Variants in CCDC91 observed in about 807,000 individuals in gnomAD.
CCDC91 encodes the protein coiled-coil domain containing 91, also known as coiled-coil domain-containing protein 91.
A neutral mutation model predicts 63.2 loss-of-function variants in CCDC91; 48 were observed. The observed-to-expected ratio is 0.76, with a 90% CI of 0.60 to 0.97. The LOEUF is 0.97. Ranked by LOEUF, CCDC91 falls within the 50% of genes least tolerant of loss-of-function variation. The probability of loss-of-function intolerance (pLI) is 0.00; values close to 1 mark genes in which losing one functional copy is unlikely to be tolerated. For synonymous variants in CCDC91, 167 were observed against 165.8 expected, an observed-to-expected ratio of 1.01 and a Z score of -0.06; for missense variants, 500 against 494.6, an observed-to-expected ratio of 1.01 and a Z score of -0.10.
chr12:28,503,945 G>C (rs1464833979), intron 12 of CCDC91, among the ~76,000 whole-genome samples: 1 of 150,264 alleles, frequency 6.7e-6, no homozygotes, highest in Non-Finnish European at 1.5e-5. Flanking sequence ...TGGGGTGGGG[G>C]AAGGGGGGAG....
intron 2 of CCDC91, 114 bp from the exon 3 acceptor site, chr12:28,259,250 T>G: frequency 1.4e-6 from 1 of 736,944 alleles, no homozygotes; most frequent in Non-Finnish European, 2.4e-6. Context: ...AGAGGGAATA[T>G]GAAAATGTCT....
intron 3 of CCDC91, among the ~76,000 whole-genome samples, chr12:28,262,850 T>C (rs1946913494): frequency 6.6e-6 from 1 of 152,014 alleles, no homozygotes; most frequent in Non-Finnish European, 1.5e-5. Context: ...ATTCCTTTAC[T>C]CTCCATAAAC....
chr12:28,450,134 A>C, intron 8 of CCDC91, 27 bp from the exon 9 acceptor site: 1 of 1,335,454 alleles, frequency 7.5e-7, no homozygotes, highest in Non-Finnish European at 1.1e-6. Context: ...CAGAGCCATA[A>C]TATAATTTGC....
chr12:28,519,650 A>G (rs1180822337), intron 12 of CCDC91, among the ~76,000 whole-genome samples: 7 of 150,928 alleles, frequency 4.6e-5, no homozygotes, highest in Admixed American at 6.6e-5. Flanking sequence ...TACATGTGCC[A>G]TGTTGGTGTG....
chr12:28,418,743 T>C (rs998330115), intron 8 of CCDC91, among the ~76,000 whole-genome samples: 18 of 152,140 alleles, frequency 1.2e-4, no homozygotes, highest in Non-Finnish European at 2.5e-4. Flanking sequence ...AAAGGTCTTA[T>C]TTTCTTCTTC....
Position 28,549,263 on chromosome 12 carries a change from C to A in CCDC91, c.*90C>A, listed in dbSNP as rs771169623. ...TGAATTATAAAGATGTGTTTGTTTT[C>A]TTTCCAAATCATGTAGAATTGATTT... is the stretch of plus-strand genomic sequence containing the variant. On this transcript the variant is annotated 3_prime_UTR_variant, in exon 13 of 13. Transcript: ENST00000536442. 519 of 718,374 alleles carry A rather than the reference C, an allele frequency of 7.2e-4. 1 individual carries two copies. The highest frequency in any genetic ancestry group is 1.2e-3 in the Non-Finnish European group (477 of 413,426). The allele number at this position is 718,374 out of a possible 1,614,324, so 44.5% of individuals were successfully genotyped here.
chr12:28,214,230 G>A (rs1943417827), intron 1 of CCDC91, among the ~76,000 whole-genome samples: 1 of 152,148 alleles, frequency 6.6e-6, no homozygotes, highest in Non-Finnish European at 1.5e-5. Context: ...AAAGAAGAGA[G>A]TTACTGTGCT....
intron 8 of CCDC91, among the ~76,000 whole-genome samples, chr12:28,438,427 A>C (rs1949020110): frequency 1.3e-5 from 2 of 152,120 alleles, no homozygotes; most frequent in Non-Finnish European, 2.9e-5. Flanking sequence ...CCAGATACAG[A>C]ACCTAACCTG....
chr12:28,531,022 C>G (rs186310948), intron 12 of CCDC91, among the ~76,000 whole-genome samples: 6 of 152,200 alleles, frequency 3.9e-5, no homozygotes, highest in East Asian at 3.9e-4. Flanking sequence ...AATTTCTGTT[C>G]ATTATAAATT....
intron 7 of CCDC91, among the ~76,000 whole-genome samples, chr12:28,389,801 G>C (rs1945824651): frequency 6.6e-6 from 1 of 152,038 alleles, no homozygotes; most frequent in African/African-American, 2.4e-5. Flanking sequence ...AAAAGATGCT[G>C]TGATTATTCT....
At chr12:28,488,401 A>G (rs1009341877) in intron 12 of CCDC91, among the ~76,000 whole-genome samples, 19 of 151,808 alleles carry the variant, frequency 1.3e-4, no homozygotes, top group African/African-American at 3.4e-4. Flanking sequence ...ACCAAAAATT[A>G]CTATGTAATG....
chr12:28,206,747 A>G (rs1404602068), intron 1 of CCDC91, among the ~76,000 whole-genome samples: 1 of 152,208 alleles, frequency 6.6e-6, no homozygotes, highest in African/African-American at 2.4e-5. Context: ...TGACTTTTAC[A>G]AGAGAATTTA....
rs182636565 is a variant in CCDC91, at chr12:28,443,586, A to G, written c.763-6575A>G. Among the ~76,000 whole-genome samples the G allele has an allele frequency of 7.2e-5, 11 of 152,162 alleles. No homozygotes were observed. In the East Asian group the frequency reaches 2.1e-3, roughly 29 times the overall value. On this transcript the variant is annotated intron_variant, in intron 8 of 12. Transcript: ENST00000536442. ...CAACAGATGGATGGCAGGCAACAGAATGTTTGATAGTACTTAATGACAATA... is the reference window on the plus strand; with the variant it reads ...CAACAGATGGATGGCAGGCAACAGAGTGTTTGATAGTACTTAATGACAATA...
chr12:28,281,211 G>T (rs1461766874), intron 3 of CCDC91, among the ~76,000 whole-genome samples: 1 of 152,130 alleles, frequency 6.6e-6, no homozygotes, highest in Non-Finnish European at 1.5e-5. Context: ...TATCATTGTT[G>T]TATGGACATG....
chr12:28,195,587 G>A lies in CCDC91; in HGVS notation c.-15+4946G>A, dbSNP rs576856164. On this transcript the variant is annotated intron_variant, in intron 1 of 12. Coordinates refer to ENST00000536442, the MANE Select transcript of CCDC91 (RefSeq NM_018318.5). ...AAACCTCAGTCCTTATTATGGTAGC[G>A]TTATAGTGTATCTTGAAGTCAAAAA... Among the ~76,000 whole-genome samples the A allele has an allele frequency of 6.7e-4, 102 of 152,224 alleles. 1 individual carries two copies. The highest frequency in any genetic ancestry group is 1.2e-3 in the Non-Finnish European group (82 of 68,024).
At chr12:28,503,805 A>C (rs909997267) in intron 12 of CCDC91, among the ~76,000 whole-genome samples, 1 of 152,130 alleles carries the variant, frequency 6.6e-6, no homozygotes, top group Non-Finnish European at 1.5e-5. Flanking sequence ...TGAAATTGGA[A>C]ATCATCATTC....
Position 28,305,631 on chromosome 12 carries a change from G to T in CCDC91, c.110-18G>T, listed in dbSNP as rs1444033208. 1.9e-6 allele frequency: 3 copies of T among 1,591,262 alleles called. No homozygotes were observed. The highest frequency in any genetic ancestry group is 1.7e-5 in the Admixed American group (1 of 58,110). On this transcript the variant is annotated intron_variant, in intron 3 of 12. Transcript: ENST00000536442. ...CTTTAATAATCCTATCCTTTTTGTT[G>T]TTGTTGTTTTTCTTTAGTATCTGGA... is the stretch of plus-strand genomic sequence containing the variant.
intron 3 of CCDC91, among the ~76,000 whole-genome samples, chr12:28,273,773 T>C (rs1431812580): frequency 6.6e-6 from 1 of 152,184 alleles, no homozygotes; most frequent in African/African-American, 2.4e-5. Flanking sequence ...GCAAAAATTT[T>C]CTCCCATTCT....
chr12:28,484,290 T>C (rs1254351829), intron 12 of CCDC91, 125 bp downstream of exon 12: 4 of 469,838 alleles, frequency 8.5e-6, no homozygotes, highest in African/African-American at 8.0e-5. Flanking sequence ...GATCTTCATC[T>C]AAGGATATTT....
Sources: gnomAD v4.1 joint callset for allele counts (sites outside exome capture counted in the v4.1 genomes callset) on GRCh38, gnomAD v4.1.1 for gene constraint, MANE v1.5 for transcripts, NCBI Gene and HGNC (gene_info 2026-07-23, HGNC 2026-07-21) for gene names.